Variants in NR3C1 observed in about 807,000 individuals in gnomAD.
NR3C1 encodes nuclear receptor subfamily 3 group C member 1.
In NR3C1, 14 loss-of-function variants were observed where a neutral mutation model predicts 74.0. That is an observed-to-expected ratio of 0.19 (90% CI 0.12 to 0.30). The LOEUF (loss-of-function observed/expected upper bound fraction) is 0.30. NR3C1 is among the 10% of genes least tolerant of loss of function. NR3C1 has a pLI of 1.00. For missense variants in NR3C1, 695 were observed against 909.8 expected, an observed-to-expected ratio of 0.76 and a Z score of 3.04; for synonymous variants, 308 against 332.5, an observed-to-expected ratio of 0.93 and a Z score of 0.80.
chr5:143,321,733 A>T (rs1207480250), intron 2 of NR3C1, among the ~76,000 whole-genome samples: 1 of 152,200 alleles, frequency 6.6e-6, no homozygotes, highest in East Asian at 1.9e-4. Context: ...TTTATCAAGT[A>T]CCTATGATAG....
chr5:143,435,471 G>C (rs1752060292), exon 1 of NR3C1: 1 of 985,478 alleles, frequency 1.0e-6, no homozygotes, highest in African/African-American at 1.7e-5. Context: ...AAGAGGAAGA[G>C]GTACCTTTTG....
intron 2 of NR3C1, among the ~76,000 whole-genome samples, chr5:143,380,328 GA>G (rs1325648136): frequency 8.5e-5 from 13 of 152,120 alleles, no homozygotes; most frequent in African/African-American, 2.9e-4. Flanking sequence ...TTGTGTATTT[GA>G]AAATCTACAT....
chr5:143,400,464 T>C lies in NR3C1; in HGVS notation c.376A>G (p.Ile126Val), dbSNP rs776690628. Reference sequence around the variant, plus strand: ...CTGGTCGACCTATTGAGGTTTGCAATGCTTTCTTCCAAAAGCTTTAAGTCT... The same window carrying C: ...CTGGTCGACCTATTGAGGTTTGCAACGCTTTCTTCCAAAAGCTTTAAGTCT... ...ETDLKLLEES[I>V]ANLNRSTSVP... Residue 126 changes from isoleucine to valine, a missense_variant, in exon 2 of 9, where the codon ATT becomes GTT. By Grantham distance (29) the Ile-to-Val change is conservative. Transcript: ENST00000394464. 5 of 1,614,112 alleles carry C rather than the reference T, an allele frequency of 3.1e-6. No individual in the cohort carries two copies. The highest frequency in any genetic ancestry group is 4.2e-6 in the Non-Finnish European group (5 of 1,180,042).
intron 2 of NR3C1, among the ~76,000 whole-genome samples, chr5:143,341,209 G>GTTAAAGGAAAACAAACCAAT (rs1325517599): frequency 6.6e-6 from 1 of 152,220 alleles, no homozygotes; most frequent in Non-Finnish European, 1.5e-5. Flanking sequence ...ATAATGGAAT[G>GTTAAAGGAAAACAAACCAAT]TTAAAGGAAA....
chr5:143,294,751 C>A (rs896328799), intron 7 of NR3C1: 2 of 211,436 alleles, frequency 9.5e-6, no homozygotes, highest in South Asian at 3.3e-4. Context: ...GTAGCCCTTT[C>A]AGATTAGCTT....
intron 3 of NR3C1, 72 bp from the exon 4 acceptor site, chr5:143,310,285 T>C: frequency 9.1e-7 from 1 of 1,103,544 alleles, no homozygotes; most frequent in Non-Finnish European, 1.4e-6. Context: ...AGCCTCTGTC[T>C]TTGTTTCCGG....
chr5:143,411,240 C>A lies in NR3C1; in HGVS notation c.-13-10388G>T, dbSNP rs115542340. On this transcript the variant is annotated intron_variant, in intron 1 of 8. Transcript: ENST00000343796. The stretch of plus-strand genomic sequence containing the variant: ...AATTGGGAAACATGACAAACCAGAG[C>A]TTGATTTGTTTTGTTGATTGTCTAG... Among the ~76,000 whole-genome samples the A allele has an allele frequency of 4.2e-3, 635 of 152,174 alleles. 2 individuals are homozygous for A. Among genetic ancestry groups the A allele is most frequent in the African/African-American group, 0.015 (609 of 41,512 alleles).
intron 2 of NR3C1, among the ~76,000 whole-genome samples, chr5:143,327,605 A>G (rs1299085803): frequency 6.6e-6 from 1 of 152,236 alleles, no homozygotes; most frequent in Non-Finnish European, 1.5e-5. Flanking sequence ...TACTTCCAAG[A>G]TACAATGAGG....
chr5:143,396,830 C>A (rs1308746276), intron 2 of NR3C1, among the ~76,000 whole-genome samples: 1 of 151,722 alleles, frequency 6.6e-6, no homozygotes, highest in East Asian at 1.9e-4. Flanking sequence ...AGCTCTAATA[C>A]CACCTAAAAC....
chr5:143,330,692 T>C (rs1459268093), intron 2 of NR3C1, among the ~76,000 whole-genome samples: 1 of 152,228 alleles, frequency 6.6e-6, no homozygotes, highest in Admixed American at 6.5e-5. Context: ...CTCCAAAGTC[T>C]AAGAGAAGTG....
rs376544373 is a variant in NR3C1 at position 143,352,497 on chromosome 5, T to C, written c.1185-38329A>G. Among the ~76,000 whole-genome samples, 29 of 152,298 alleles carry C rather than the reference T, an allele frequency of 1.9e-4. No homozygotes were observed. The East Asian group carries it at 5.2e-3, about 27-fold the overall frequency. On this transcript the variant is annotated intron_variant, in intron 2 of 8. Coordinates refer to ENST00000394464, the MANE Select transcript of NR3C1 (RefSeq NM_000176.3). ...CATCCATATTACTGAACTCTCAACA[T>C]ATTCTACGTTTTTTTTATATGCTGG...
rs536498650 is a variant in NR3C1, at chr5:143,346,927, G to T, written c.1185-32759C>A. 1.1e-4 allele frequency among the ~76,000 whole-genome samples: 17 copies of T among 152,224 alleles called. No homozygotes were observed. The South Asian group carries it at 3.5e-3, about 32-fold the overall frequency. ...GAATGGTATAAGGCTAATGAAAATC[G>T]ACTTCTGATGCTACCAAAGCAGCAA... On this transcript the variant is annotated intron_variant, in intron 2 of 8. Transcript: ENST00000394464.
chr5:143,307,881 T>A (rs992535515), intron 4 of NR3C1, among the ~76,000 whole-genome samples: 1 of 152,188 alleles, frequency 6.6e-6, no homozygotes, highest in Admixed American at 6.5e-5. Context: ...TAAACTACCC[T>A]TGTGGAACTG....
intron 7 of NR3C1, 52 bp from the exon 8 acceptor site, chr5:143,282,777 C>CTTTTTTTTTT (rs371512572): frequency 1.7e-5 from 23 of 1,326,190 alleles, no homozygotes; most frequent in Admixed American, 4.5e-5. Context: ...CTTTTCTTTT[C>CTTTTTTTTTT]TTTTTTTTTT....
At chr5:143,289,970 G>A (rs1815478201) in intron 7 of NR3C1, among the ~76,000 whole-genome samples, 1 of 152,134 alleles carries the variant, frequency 6.6e-6, no homozygotes, top group Non-Finnish European at 1.5e-5. Context: ...TGACCCAAGA[G>A]AGATGAAATG....
chr5:143,350,783 G>C (rs1376352407), intron 2 of NR3C1, among the ~76,000 whole-genome samples: 1 of 152,164 alleles, frequency 6.6e-6, no homozygotes, highest in Non-Finnish European at 1.5e-5. Flanking sequence ...CTTGCCAAGA[G>C]GCTAGAGAAG....
chr5:143,294,963 T>C (rs1816845192), intron 7 of NR3C1: 1 of 985,338 alleles, frequency 1.0e-6, no homozygotes, highest in Non-Finnish European at 1.2e-6. Flanking sequence ...TGCCATTTTC[T>C]AGATAATGAA....
intron 2 of NR3C1, among the ~76,000 whole-genome samples, chr5:143,383,953 C>G (rs568490312): frequency 6.6e-6 from 1 of 152,208 alleles, no homozygotes; most frequent in Non-Finnish European, 1.5e-5. Context: ...CGTTTTCACA[C>G]TGCAATAAAG....
intron 2 of NR3C1, among the ~76,000 whole-genome samples, chr5:143,334,090 G>C (rs2151713803): frequency 6.6e-6 from 1 of 152,128 alleles, no homozygotes; most frequent in South Asian, 2.1e-4. Flanking sequence ...TCAAAGAAAA[G>C]ACAGTAGCTG....
Sources: gnomAD v4.1 joint callset for allele counts (sites outside exome capture counted in the v4.1 genomes callset) on GRCh38, gnomAD v4.1.1 for gene constraint, MANE v1.5 for transcripts, NCBI Gene and HGNC (gene_info 2026-07-23, HGNC 2026-07-21) for gene names.